TPCN2: variants seen among roughly 807,000 people sequenced by gnomAD.
The protein encoded by TPCN2 is two pore channel protein 2.
In TPCN2, 92 loss-of-function variants were observed where a neutral mutation model predicts 111.4. That is an observed-to-expected ratio of 0.83 (90% CI 0.70 to 0.98). TPCN2 has a LOEUF of 0.98. Among genes scored for constraint, TPCN2 ranks in the 50% least tolerant of loss-of-function variants. The pLI, the probability that TPCN2 is intolerant of heterozygous loss-of-function variation, is 0.00. For missense variants in TPCN2, 995 were observed against 980.1 expected (o/e 1.02, Z -0.20); for synonymous variants, 405 against 414.5 (o/e 0.98, Z 0.28).
At chr11:69,060,507 C>G (rs1369916270) in intron 5 of TPCN2, among the ~76,000 whole-genome samples, 1 of 152,220 alleles carries the variant, frequency 6.6e-6, no homozygotes, top group Non-Finnish European at 1.5e-5. Flanking sequence ...TCACTCTTGT[C>G]TTTGCCAGGG....
At chr11:69,049,546 C>T (rs1861119603) in intron 1 of TPCN2, among the ~76,000 whole-genome samples, 1 of 152,244 alleles carries the variant, frequency 6.6e-6, no homozygotes, top group Admixed American at 6.5e-5. Context: ...AAAGCAGAGG[C>T]TCACAGAGAG....
intron 1 of TPCN2, among the ~76,000 whole-genome samples, chr11:69,049,694 G>A (rs376340750): frequency 1.3e-5 from 2 of 152,120 alleles, no homozygotes; most frequent in Non-Finnish European, 2.9e-5. Flanking sequence ...CCCCCTAGAC[G>A]GGGGCGGCTT....
At position 69,084,102 on chromosome 11, in the gene TPCN2, ACTGCTCTGTCG is replaced by A. The variant is rs765199255; in HGVS notation, c.1761+87_1761+97del. On this transcript the variant is annotated intron_variant, in intron 19 of 24. Transcript: ENST00000294309. ...GCGGAAGGCAGTGCCGGGCCGGCTC[ACTGCTCTGTCG>A]GTAGGAAGGTTCTTGGGTTCGGACG... 3.8e-3 allele frequency: 5,239 copies of A among 1,379,758 alleles called. 18 individuals carry two copies. Among genetic ancestry groups the A allele is most frequent in the Non-Finnish European group, 5.0e-3 (4,862 of 969,888 alleles). The allele number at this position is 1,379,758 out of a possible 1,614,324, so 85.5% of individuals were successfully genotyped here. A position where few individuals can be genotyped will look rare whatever the true frequency, so the allele number is the denominator to read the frequency against.
At chr11:69,053,884 A>G in intron 1 of TPCN2, 149 bp from the exon 2 acceptor site, 1 of 674,238 alleles carries the variant, frequency 1.5e-6, no homozygotes, top group South Asian at 1.8e-5. Flanking sequence ...CTGGGCAGGT[A>G]CATGCAGCCC....
chr11:69,071,360 C>T lies in TPCN2; in HGVS notation c.900C>T (p.Ser300=). 1 of 1,613,786 alleles carries T rather than the reference C, an allele frequency of 6.2e-7. No homozygotes were observed. The highest frequency in any genetic ancestry group is 8.5e-7 in the Non-Finnish European group (1 of 1,179,850). The stretch of plus-strand genomic sequence containing the variant: ...CGTGGCTGTCTCCTCTTGAAGGAAG[C>T]CTGTTTCTGATGAACCTGCTGACAG... The part of the protein sequence containing the change: ...IFFIVFTVIG[S]LFLMNLLTAI... The change falls in exon 10 of 25, where the codon AGC becomes AGT. Residue 300 remains serine (S), a synonymous_variant. Coordinates refer to ENST00000294309, the MANE Select transcript of TPCN2 (RefSeq NM_139075.4).
intron 5 of TPCN2, among the ~76,000 whole-genome samples, chr11:69,061,635 C>T (rs957166775): frequency 2.0e-4 from 31 of 151,906 alleles, no homozygotes; most frequent in African/African-American, 7.0e-4. Flanking sequence ...GTGCTGAGGG[C>T]GCCAGGCAGG....
rs1855557188 is a variant in TPCN2 at position 69,071,976 on chromosome 11, T to G, written c.1014T>G (p.Phe338Leu). ...GGCGGCTGGGAACCCGGGCTGCCTT[T>G]GAAGTCCTATCCTCCATGGTGGGGG... ...FRRRLGTRAA[F>L]EVLSSMVGEG... The change falls in exon 11 of 25, where the codon TTT (phenylalanine) becomes TTG (leucine). Residue 338 changes from phenylalanine to leucine, a missense_variant. Coordinates refer to ENST00000294309, the MANE Select transcript of TPCN2 (RefSeq NM_139075.4). 6.2e-7 allele frequency: 1 copy of G among 1,613,920 alleles called. No homozygotes were observed. Among genetic ancestry groups the G allele is most frequent in the Non-Finnish European group, 8.5e-7 (1 of 1,179,998 alleles).
intron 5 of TPCN2, among the ~76,000 whole-genome samples, chr11:69,061,845 A>G (rs1830268479): frequency 8.2e-6 from 1 of 121,772 alleles, no homozygotes; most frequent in African/African-American, 2.9e-5. Context: ...GTGGGTTGAC[A>G]GGACTGTGGG....
intron 8 of TPCN2, among the ~76,000 whole-genome samples, chr11:69,070,014 T>C (rs951731079): frequency 6.9e-5 from 10 of 145,710 alleles, no homozygotes; most frequent in African/African-American, 1.8e-4. Flanking sequence ...TTCTTTCTTT[T>C]TTTCTTTCTT....
At position 69,071,346 on chromosome 11, in the gene TPCN2, C is replaced by T. The variant is rs184520894; in HGVS notation, c.896-10C>T. 11 of 1,613,134 alleles carry T rather than the reference C, an allele frequency of 6.8e-6. No homozygotes were observed. The African/African-American group carries it at 9.3e-5, about 14-fold the overall frequency. Reference sequence around the variant, plus strand: ...GTGGCGCCCCTGACCGTGGCTGTCTCCTCTTGAAGGAAGCCTGTTTCTGAT... The same window carrying T: ...GTGGCGCCCCTGACCGTGGCTGTCTTCTCTTGAAGGAAGCCTGTTTCTGAT... On this transcript the variant is annotated splice_polypyrimidine_tract_variant and intron_variant, in intron 9 of 24. Transcript: ENST00000294309.
Position 69,086,623 on chromosome 11 carries a change from C to G in TPCN2, c.2085+19C>G, listed in dbSNP as rs368147478. On this transcript the variant is annotated intron_variant, in intron 23 of 24. Transcript: ENST00000294309. The stretch of plus-strand genomic sequence containing the variant: ...TCTGGAGGTATCAGAGATCCCCACC[C>G]AGGCTGTTCTCCATGGTCGTTTGTT... 33 of 1,610,722 alleles carry G rather than the reference C, an allele frequency of 2.0e-5. No individual in the cohort carries two copies. The African/African-American group carries it at 4.0e-4, about 20-fold the overall frequency.
chr11:69,056,298 G>A (rs533045153), intron 4 of TPCN2, among the ~76,000 whole-genome samples: 2 of 152,212 alleles, frequency 1.3e-5, no homozygotes, highest in Admixed American at 6.5e-5. Flanking sequence ...GCTGTGTGCC[G>A]ACCGAGGGTT....
At chr11:69,083,051 G>A (rs926291669) in intron 18 of TPCN2, 9 of 145,860 alleles carry the variant, frequency 6.2e-5, no homozygotes, top group East Asian at 4.4e-4. Context: ...ACTCGTGCCC[G>A]TGTAAGACAC....
intron 13 of TPCN2, among the ~76,000 whole-genome samples, chr11:69,078,042 C>T (rs1282740242): frequency 6.6e-6 from 1 of 152,192 alleles, no homozygotes; most frequent in Non-Finnish European, 1.5e-5. Context: ...ACAGTGGCAG[C>T]GTCTGCCCGC....
rs1331691836 is a variant in TPCN2, at chr11:69,076,574, TGCTCTGTC to T, written c.1231-1907_1231-1900del. 3.3e-4 allele frequency among the ~76,000 whole-genome samples: 50 copies of T among 149,436 alleles called. 1 individual carries two copies. Among genetic ancestry groups the T allele is most frequent in the African/African-American group, 3.2e-4 (13 of 40,842 alleles). ...TGCTCTGTCCCTCCACCTGCCCTCC[TGCTCTGTC>T]CCTCCACCTGCCCTCCTGCCGTGTC... is the stretch of plus-strand genomic sequence containing the variant. On this transcript the variant is annotated intron_variant, in intron 13 of 24. Coordinates refer to ENST00000294309, the MANE Select transcript of TPCN2 (RefSeq NM_139075.4).
At chr11:69,085,597 G>A in intron 20 of TPCN2, 74 bp from the exon 21 acceptor site, 2 of 1,013,684 alleles carry the variant, frequency 2.0e-6, no homozygotes, top group African/African-American at 1.6e-5. Context: ...CGCCAGCAGA[G>A]GAAAGGGGTG....
chr11:69,072,064 T>A, intron 11 of TPCN2, 41 bp downstream of exon 11: 1 of 1,541,260 alleles, frequency 6.5e-7, no homozygotes. Context: ...TGAGGGTGGG[T>A]GCTGTGGCTG....
intron 5 of TPCN2, among the ~76,000 whole-genome samples, chr11:69,059,728 T>A (rs1854934885): frequency 6.6e-6 from 1 of 152,220 alleles, no homozygotes; most frequent in African/African-American, 2.4e-5. Flanking sequence ...GGGATGGTGC[T>A]GGGAGAGGCG....
chr11:69,066,196 G>A (rs1855265159), intron 7 of TPCN2, among the ~76,000 whole-genome samples: 1 of 152,188 alleles, frequency 6.6e-6, no homozygotes, highest in Non-Finnish European at 1.5e-5. Flanking sequence ...CTGGGTGAGG[G>A]TGGGACGGGG....
Sources: gnomAD v4.1 joint callset for allele counts (sites outside exome capture counted in the v4.1 genomes callset) on GRCh38, gnomAD v4.1.1 for gene constraint, MANE v1.5 for transcripts, NCBI Gene and HGNC (gene_info 2026-07-23, HGNC 2026-07-21) for gene names.